Variants in ADD3 observed in about 807,000 individuals in gnomAD.
ADD3 encodes gamma-adducin.
A neutral mutation model predicts 80.2 loss-of-function variants in ADD3; 25 were observed. The observed-to-expected ratio is 0.31, with a 90% confidence interval of 0.23 to 0.44. ADD3 has a LOEUF of 0.44. Ranked by LOEUF, ADD3 falls within the 20% of genes least tolerant of loss-of-function variation. The pLI, the probability that ADD3 is intolerant of heterozygous loss-of-function variation, is 1.00. For missense variants in ADD3, 829 were observed against 847.5 expected (o/e 0.98, Z 0.27); for synonymous variants, 284 against 289.6 (o/e 0.98, Z 0.20).
chr10:110,048,154 C>T (rs779047849), intron 1 of ADD3, among the ~76,000 whole-genome samples: 2 of 152,190 alleles, frequency 1.3e-5, no homozygotes, highest in Admixed American at 6.5e-5. Flanking sequence ...TTTCCCCTTT[C>T]GCTTGATCAT....
In ADD3 at chr10:110,120,452, A is replaced by G. The variant is rs542096162; in HGVS notation, c.960+888A>G. On this transcript the variant is annotated intron_variant, in intron 8 of 14. Transcript: ENST00000356080. ...GTATTCTATGGTGTATATGTGCCAC[A>G]TTTTCTTAATCCAGTCTATCATTGT... Among the ~76,000 whole-genome samples the G allele has an allele frequency of 6.6e-5, 10 of 151,546 alleles. No homozygotes were observed. In the East Asian group the frequency reaches 1.8e-3, roughly 27 times the overall value.
At chr10:110,082,791 G>A (rs761577719) in intron 1 of ADD3, among the ~76,000 whole-genome samples, 3 of 152,090 alleles carry the variant, frequency 2.0e-5, no homozygotes, top group South Asian at 2.1e-4. Context: ...TCCAGATACC[G>A]ATAATGCTCT....
At position 110,122,106 on chromosome 10, in the gene ADD3, A is replaced by G; in HGVS notation, c.961-4A>G. The G allele has an allele frequency of 6.2e-7, 1 of 1,604,430 alleles. No homozygotes were observed. The highest frequency in any genetic ancestry group is 1.3e-5 in the African/African-American group (1 of 74,588). On this transcript the variant is annotated splice_polypyrimidine_tract_variant and splice_region_variant and intron_variant, in intron 8 of 14. Coordinates refer to ENST00000356080, the MANE Select transcript of ADD3 (RefSeq NM_016824.5). ...GTCTCTGTATATTTTACCATTGATT[A>G]CAGGTGCAGGCCCTAGCAGGTGCAG... is the stretch of plus-strand genomic sequence containing the variant.
At chr10:110,046,325 A>C (rs1438508982) in intron 1 of ADD3, among the ~76,000 whole-genome samples, 3 of 152,068 alleles carry the variant, frequency 2.0e-5, no homozygotes, top group African/African-American at 7.2e-5. Context: ...ATATGTATAT[A>C]TATAACATAC....
chr10:110,094,531 TACTC>T (rs1847933102), intron 1 of ADD3, among the ~76,000 whole-genome samples: 1 of 152,300 alleles, frequency 6.6e-6, no homozygotes, highest in Non-Finnish European at 1.5e-5. Context: ...CCATCTGTAT[TACTC>T]AGTGCTGCTC....
chr10:110,039,360 G>C (rs773892439), intron 1 of ADD3, among the ~76,000 whole-genome samples: 34 of 152,268 alleles, frequency 2.2e-4, no homozygotes, highest in Non-Finnish European at 3.2e-4. Context: ...AAGTGTTCAG[G>C]GCTGTAATTT....
At chr10:110,112,975 A>G in intron 3 of ADD3, 60 bp downstream of exon 3, 1 of 1,551,186 alleles carries the variant, frequency 6.4e-7, no homozygotes. Context: ...GGACCACTAT[A>G]CATCTCTAGC....
At chr10:110,050,986 A>G (rs1297585282) in intron 1 of ADD3, among the ~76,000 whole-genome samples, 2 of 152,230 alleles carry the variant, frequency 1.3e-5, no homozygotes, top group Non-Finnish European at 2.9e-5. Context: ...CAAAATTAAT[A>G]TTGTCCCAGA....
At chr10:110,093,281 T>C (rs543211709) in intron 1 of ADD3, among the ~76,000 whole-genome samples, 5 of 152,376 alleles carry the variant, frequency 3.3e-5, no homozygotes, top group African/African-American at 1.2e-4. Context: ...TATGTATACA[T>C]GCATTTCTAT....
intron 8 of ADD3, among the ~76,000 whole-genome samples, chr10:110,121,464 CAA>C (rs143022756): frequency 0.011 from 1,616 of 152,060 alleles, 32 homozygotes; most frequent in African/African-American, 0.038. Context: ...GCCTGGGCAA[CAA>C]GAGTGAAACT....
intron 1 of ADD3, among the ~76,000 whole-genome samples, chr10:110,051,069 C>A (rs1253024023): frequency 6.6e-6 from 1 of 152,092 alleles, no homozygotes; most frequent in Non-Finnish European, 1.5e-5. Flanking sequence ...AGAAAATGGT[C>A]TTTTTCAAGA....
At chr10:110,118,122 A>C (rs1851016973) in intron 5 of ADD3, among the ~76,000 whole-genome samples, 1 of 151,248 alleles carries the variant, frequency 6.6e-6, no homozygotes, top group African/African-American at 2.4e-5. Context: ...TGAGTATAGG[A>C]TCTGACCTTA....
intron 1 of ADD3, among the ~76,000 whole-genome samples, chr10:110,020,839 G>A (rs548318133): frequency 6.6e-5 from 10 of 152,232 alleles, no homozygotes; most frequent in Admixed American, 5.9e-4. Flanking sequence ...TGAGAGAGAG[G>A]AGTCAAACTT....
intron 1 of ADD3, among the ~76,000 whole-genome samples, chr10:110,081,335 C>G (rs929668399): frequency 6.6e-6 from 1 of 152,108 alleles, no homozygotes; most frequent in African/African-American, 2.4e-5. Context: ...CTAGGAGTAC[C>G]TAGGTAACTG....
At chr10:110,035,732 C>T (rs1342754031) in intron 1 of ADD3, among the ~76,000 whole-genome samples, 2 of 152,118 alleles carry the variant, frequency 1.3e-5, no homozygotes, top group African/African-American at 2.4e-5. Context: ...AAGTAAGGCC[C>T]GGTAATTTGC....
In ADD3 at chr10:110,118,635, T is replaced by C. The variant is rs1169513627; in HGVS notation, c.616T>C (p.Leu206=). Residue 206 remains leucine (L), a synonymous_variant, in exon 6 of 15, where the codon TTG becomes CTG. Transcript: ENST00000356080. ...AGTGGTTGACCAGGGAAGTACCAAT[T>C]TGAAAATTGACCATACAGGATTCAG... ...GEVVDQGSTN[L]KIDHTGFSPH... is the part of the protein sequence containing the mutation. 2.5e-6 allele frequency: 4 copies of C among 1,613,922 alleles called. No individual in the cohort carries two copies. Among genetic ancestry groups the C allele is most frequent in the East Asian group, 4.5e-5 (2 of 44,876 alleles).
intron 12 of ADD3, among the ~76,000 whole-genome samples, chr10:110,129,564 A>T (rs763917758): frequency 3.3e-5 from 5 of 152,080 alleles, no homozygotes; most frequent in African/African-American, 1.2e-4. Context: ...GACTTTGAAC[A>T]TGTTCCTCTA....
At chr10:110,036,572 G>T (rs1195695736) in intron 1 of ADD3, among the ~76,000 whole-genome samples, 1 of 151,474 alleles carries the variant, frequency 6.6e-6, no homozygotes, top group Admixed American at 6.6e-5. Flanking sequence ...TAGAGACGGG[G>T]TTTCACCGTA....
chr10:110,130,908 T>C (rs1440726879), intron 13 of ADD3, among the ~76,000 whole-genome samples: 4 of 151,824 alleles, frequency 2.6e-5, no homozygotes, highest in African/African-American at 7.3e-5. Context: ...TACTATTTTA[T>C]AGTAAAATCT....
Sources: allele counts gnomAD v4.1 joint callset (sites outside exome capture counted in the v4.1 genomes callset), GRCh38; gene constraint gnomAD v4.1.1; transcripts MANE v1.5; gene names NCBI Gene and HGNC (gene_info 2026-07-23, HGNC 2026-07-21).